The following RGS7 variants were observed in gnomAD, a reference collection of about 807,000 sequenced individuals.
The protein encoded by RGS7 is regulator of G-protein signaling 7.
RGS7 carries 27 observed loss-of-function variants against 81.1 expected under a neutral mutation model. The observed-to-expected ratio is 0.33, with a 90% CI of 0.25 to 0.46. The LOEUF is 0.46. Ranked by LOEUF, RGS7 falls within the 20% of genes least tolerant of loss-of-function variation. The probability of loss-of-function intolerance (pLI) is 1.00; values close to 1 mark genes in which losing one functional copy is unlikely to be tolerated. For missense variants in RGS7, 396 were observed against 607.4 expected (o/e 0.65, Z 3.66); for synonymous variants, 208 against 207.7 (o/e 1.00, Z -0.01).
Position 240,868,989 on chromosome 1 carries a change from A to G in RGS7, c.451-137T>C. On this transcript the variant is annotated intron_variant, in intron 7 of 18. Coordinates refer to ENST00000440928, the MANE Select transcript of RGS7 (RefSeq NM_001364886.1). The surrounding 1 kb of genome is among the most constrained non-coding windows in gnomAD (Gnocchi z 5.1). ...TAAGTGTACTGTGGTTCTCAATGAT[A>G]AGTCATGCTCCCTGAATTCAGCTCA... 2 of 786,784 alleles carry G rather than the reference A, an allele frequency of 2.5e-6. No homozygotes were observed. The highest frequency in any genetic ancestry group is 4.5e-6 in the Non-Finnish European group (2 of 449,016). 48.7% of individuals were successfully genotyped at this position (786,784 alleles called of 1,614,324 possible). A position where few individuals can be genotyped will look rare whatever the true frequency, so the allele number is the denominator to read the frequency against.
chr1:241,333,851 T>C (rs963976928), intron 2 of RGS7, among the ~76,000 whole-genome samples: 1 of 150,544 alleles, frequency 6.6e-6, no homozygotes, highest in Non-Finnish European at 1.5e-5. Context: ...TGCATCTTAG[T>C]TGTCTCTTCT....
chr1:240,964,819 T>A (rs1223425977), intron 4 of RGS7, among the ~76,000 whole-genome samples: 1 of 152,208 alleles, frequency 6.6e-6, no homozygotes, highest in African/African-American at 2.4e-5. Context: ...ACATCAGAGA[T>A]GAAGAGACAT....
intron 2 of RGS7, among the ~76,000 whole-genome samples, chr1:241,101,882 G>A (rs2064767617): frequency 2.6e-5 from 4 of 152,192 alleles, no homozygotes; most frequent in Admixed American, 2.6e-4. Context: ...TCTGCTTCGG[G>A]CTGAATTTAG....
At chr1:240,778,281 G>T (rs1421497592) in intron 18 of RGS7, among the ~76,000 whole-genome samples, 2 of 152,202 alleles carry the variant, frequency 1.3e-5, no homozygotes, top group Non-Finnish European at 2.9e-5. Flanking sequence ...ACTTGAGCGG[G>T]AAGGGATCAC....
chr1:241,106,752 C>CCACACACACACA (rs778017157), intron 2 of RGS7, among the ~76,000 whole-genome samples: 1,228 of 121,588 alleles, frequency 0.01, 20 homozygotes, highest in African/African-American at 0.026. Flanking sequence ...AACACCACCA[C>CCACACACACACA]CACACACACA....
At chr1:241,213,577 T>G (rs144229437) in intron 2 of RGS7, among the ~76,000 whole-genome samples, 32 of 152,294 alleles carry the variant, frequency 2.1e-4, no homozygotes, top group Non-Finnish European at 3.5e-4. Flanking sequence ...TCCTAACTTA[T>G]CAGTTTACTT....
intron 2 of RGS7, among the ~76,000 whole-genome samples, chr1:241,248,365 TAC>T (rs1338216999): frequency 6.8e-6 from 1 of 147,880 alleles, no homozygotes; most frequent in Non-Finnish European, 1.5e-5. Context: ...TATATATATA[TAC>T]GTATATATAT....
intron 3 of RGS7, among the ~76,000 whole-genome samples, chr1:241,087,366 T>C (rs2063508245): frequency 6.6e-6 from 1 of 152,176 alleles, no homozygotes; most frequent in African/African-American, 2.4e-5. Context: ...AAAATGCAAA[T>C]AATTTACATT....
In RGS7 at chr1:241,219,844, A is replaced by C. The variant is rs553916478; in HGVS notation, c.79-121082T>G. On this transcript the variant is annotated intron_variant, in intron 2 of 18. Coordinates refer to ENST00000440928, the MANE Select transcript of RGS7 (RefSeq NM_001364886.1). ...TTAAGAAATGTAAACATTATGTCAA[A>C]AATTTTTCATTCTTGGTTTAGCTGA... 3.4e-4 allele frequency among the ~76,000 whole-genome samples: 51 copies of C among 151,942 alleles called. No individual in the cohort carries two copies. The South Asian group carries it at 6.6e-3, about 20-fold the overall frequency.
downstream of RGS7, among the ~76,000 whole-genome samples, chr1:240,775,046 A>G: frequency 6.6e-6 from 1 of 152,264 alleles, no homozygotes; most frequent in Non-Finnish European, 1.5e-5. Context: ...TCCAGGAACC[A>G]ATTATTTCCC....
At position 241,137,470 on chromosome 1, in the gene RGS7, G is replaced by A. The variant is rs556141375; in HGVS notation, c.79-38708C>T. Among the ~76,000 whole-genome samples the A allele has an allele frequency of 1.2e-3, 189 of 152,148 alleles. 2 individuals are homozygous for A. Among genetic ancestry groups the A allele is most frequent in the African/African-American group, 4.4e-3 (181 of 41,488 alleles). On this transcript the variant is annotated intron_variant, in intron 2 of 18. Transcript: ENST00000440928. The stretch of plus-strand genomic sequence containing the variant: ...TTTTAGGGAATATAAATATGTAAGC[G>A]CTTACTTGTGGTGTTTTATGACTTT...
At chr1:241,222,807 C>A (rs2075088332) in intron 2 of RGS7, among the ~76,000 whole-genome samples, 1 of 151,248 alleles carries the variant, frequency 6.6e-6, no homozygotes, top group South Asian at 2.1e-4. Flanking sequence ...AATGCTATCC[C>A]ACCCCCAGCC....
chr1:241,090,018 A>C (rs2063777112), intron 3 of RGS7, among the ~76,000 whole-genome samples: 1 of 145,756 alleles, frequency 6.9e-6, no homozygotes, highest in South Asian at 2.2e-4. Flanking sequence ...AAAAAGAGAG[A>C]GAGAACAGGA....
intron 2 of RGS7, among the ~76,000 whole-genome samples, chr1:241,140,858 T>A (rs1236782285): frequency 6.6e-6 from 1 of 152,198 alleles, no homozygotes; most frequent in Non-Finnish European, 1.5e-5. Context: ...AATGATTAAC[T>A]TAAAGTAGTT....
intron 5 of RGS7, among the ~76,000 whole-genome samples, chr1:240,934,359 T>G (rs944771596): frequency 6.6e-6 from 1 of 152,200 alleles, no homozygotes; most frequent in African/African-American, 2.4e-5. Context: ...TAAAATATCC[T>G]TCCAAGGAGT....
At chr1:241,070,475 C>G (rs2062371215) in intron 3 of RGS7, among the ~76,000 whole-genome samples, 1 of 152,162 alleles carries the variant, frequency 6.6e-6, no homozygotes, top group Non-Finnish European at 1.5e-5. Flanking sequence ...TGCACGACTG[C>G]TTTTTAAGTT....
At chr1:241,032,706 C>G (rs527754) in intron 3 of RGS7, among the ~76,000 whole-genome samples, 68,744 of 151,950 alleles carry the variant, frequency 0.45, 16,000 homozygotes, top group Middle Eastern at 0.55. Flanking sequence ...TCACGTCCTT[C>G]GTTACATATA....
At chr1:241,352,050 C>T (rs933705733) in intron 2 of RGS7, among the ~76,000 whole-genome samples, 2 of 152,186 alleles carry the variant, frequency 1.3e-5, no homozygotes, top group Non-Finnish European at 2.9e-5. Flanking sequence ...GGACAGCATG[C>T]TGGCCAGACA....
chr1:241,186,880 T>C lies in RGS7; in HGVS notation c.79-88118A>G, dbSNP rs114194943. Among the ~76,000 whole-genome samples the C allele has an allele frequency of 7.2e-3, 1,100 of 152,250 alleles. 17 individuals carry two copies. The highest frequency in any genetic ancestry group is 0.026 in the African/African-American group (1,061 of 41,546). On this transcript the variant is annotated intron_variant, in intron 2 of 18. Transcript: ENST00000440928. ...CATATGGCTATGACAATGGATTCAA[T>C]GTTGGATAAGACAGAAATGTAAGCA... is the stretch of plus-strand genomic sequence containing the variant.
Sources: gnomAD v4.1 joint callset for allele counts (sites outside exome capture counted in the v4.1 genomes callset) on GRCh38, gnomAD v4.1.1 for gene constraint, Gnocchi (gnomAD v3.1) non-coding constraint, MANE v1.5 for transcripts, NCBI Gene and HGNC (gene_info 2026-07-23, HGNC 2026-07-21) for gene names.